LRRC40: variants seen among roughly 807,000 people sequenced by gnomAD.
LRRC40 encodes the protein leucine rich repeat containing 40.
Under a neutral mutation model 72.8 loss-of-function variants are expected in LRRC40, and 76 were observed. The ratio of observed to expected loss-of-function variants is 1.04; its 90% CI spans 0.87 to 1.26. LRRC40 has a LOEUF of 1.26. Among genes scored for constraint, LRRC40 ranks in the 50% most tolerant of loss-of-function variants. The pLI, the probability that LRRC40 is intolerant of heterozygous loss-of-function variation, is 0.00. For synonymous variants in LRRC40, 243 were observed against 254.2 expected (o/e 0.96, Z 0.42); for missense variants, 684 against 698.9 (o/e 0.98, Z 0.24).
intron 1 of LRRC40, among the ~76,000 whole-genome samples, chr1:70,191,524 T>C (rs1364251540): frequency 2.6e-5 from 4 of 152,188 alleles, no homozygotes; most frequent in Non-Finnish European, 5.9e-5. Context: ...AAGGGGCAGA[T>C]ACATGTTGAT....
chr1:70,146,899 T>C (rs1667316115), intron 14 of LRRC40: 1 of 152,236 alleles, frequency 6.6e-6, no homozygotes, highest in Non-Finnish European at 1.5e-5. Context: ...TTTTTTATTA[T>C]TTTTAACAGT....
intron 2 of LRRC40, among the ~76,000 whole-genome samples, chr1:70,187,838 G>GGAAGAGAAGAGAAGAGAAGA (rs60796937): frequency 0.062 from 7,702 of 123,708 alleles, 493 homozygotes; most frequent in East Asian, 0.093. Flanking sequence ...CTCAAAAAAT[G>GGAAGAGAAGAGAAGAGAAGA]GAAGAGAAGA....
At chr1:70,146,194 T>C (rs574197573) in intron 14 of LRRC40, among the ~76,000 whole-genome samples, 2 of 152,052 alleles carry the variant, frequency 1.3e-5, no homozygotes, top group Non-Finnish European at 2.9e-5. Context: ...CCGGCTAATT[T>C]TTGTATTTTC....
Position 70,159,388 on chromosome 1 carries a change from G to T in LRRC40, c.1162C>A (p.Pro388Thr). 1 of 1,598,156 alleles carries T rather than the reference G, an allele frequency of 6.3e-7. No individual in the cohort carries two copies. The highest frequency in any genetic ancestry group is 1.1e-5 in the South Asian group (1 of 88,566). The change falls in exon 10 of 15, where the codon CCA becomes ACA. Residue 388 changes from proline (P) to threonine (T), a missense_variant. Transcript: ENST00000370952. ...TGTATATTGACTCTGGATTCACTTG[G>T]TAGTGTCATGGCAGTCTCAGTAGCA... is the stretch of plus-strand genomic sequence containing the variant. ...ESATETAMTL[P>T]SESRVNIHAI...
intron 9 of LRRC40, among the ~76,000 whole-genome samples, chr1:70,168,393 T>C (rs1346472188): frequency 1.3e-5 from 2 of 152,224 alleles, no homozygotes; most frequent in African/African-American, 4.8e-5. Flanking sequence ...TGCTGACTCC[T>C]TCTACTGAGT....
At chr1:70,193,333 G>C (rs1668540878) in intron 1 of LRRC40, among the ~76,000 whole-genome samples, 1 of 151,878 alleles carries the variant, frequency 6.6e-6, no homozygotes, top group Admixed American at 6.6e-5. Context: ...AAAAGGATAA[G>C]GGTATATTAT....
At chr1:70,152,632 T>C (rs932621336) in intron 11 of LRRC40, 89 bp from the exon 12 acceptor site, 1 of 708,214 alleles carries the variant, frequency 1.4e-6, no homozygotes, top group African/African-American at 1.8e-5. Context: ...GAAATTCCTA[T>C]ATTTAACTTC....
Position 70,145,695 on chromosome 1 carries a change from A to G in LRRC40, c.*105T>C, listed in dbSNP as rs772970035. The G allele has an allele frequency of 1.4e-4, 81 of 580,002 alleles. No individual in the cohort carries two copies. Among genetic ancestry groups the G allele is most frequent in the Admixed American group, 1.0e-3 (35 of 34,634 alleles). 35.9% of individuals were successfully genotyped at this position (580,002 alleles called of 1,614,324 possible). The stretch of plus-strand genomic sequence containing the variant: ...GTGATACTGGGAAACTACAAGATCA[A>G]TTACAATAATCACCTTTTAAGATGA... On this transcript the variant is annotated 3_prime_UTR_variant, in exon 15 of 15. Coordinates refer to ENST00000370952, the MANE Select transcript of LRRC40 (RefSeq NM_017768.5).
At position 70,175,942 on chromosome 1, in the gene LRRC40, G is replaced by A; in HGVS notation, c.845C>T (p.Ala282Val). The change falls in exon 7 of 15, where the codon GCA becomes GTA. Residue 282 changes from alanine to valine, a missense_variant. Transcript: ENST00000370952. ...VGENQIEMLE[A>V]EHLKHLNSIL... Reference sequence around the variant, plus strand: ...TGAATTCAGATGTTTAAGATGTTCTGCCTCTAACATTTCAATCTGGTTTTC... The same window carrying A: ...TGAATTCAGATGTTTAAGATGTTCTACCTCTAACATTTCAATCTGGTTTTC... The A allele has an allele frequency of 6.3e-7, 1 of 1,587,514 alleles. No individual in the cohort carries two copies. Among genetic ancestry groups the A allele is most frequent in the Non-Finnish European group, 8.5e-7 (1 of 1,171,474 alleles).
intron 7 of LRRC40, among the ~76,000 whole-genome samples, chr1:70,174,757 T>C (rs1169089360): frequency 6.6e-6 from 1 of 152,084 alleles, no homozygotes; most frequent in East Asian, 1.9e-4. Context: ...ACATTAGTGG[T>C]TGCCAGGGGT....
At position 70,171,309 on chromosome 1, in the gene LRRC40, T is replaced by A. The variant is rs1223213652; in HGVS notation, c.1111+2156A>T. Among the ~76,000 whole-genome samples the A allele has an allele frequency of 1.2e-4, 18 of 147,956 alleles. No individual in the cohort carries two copies. The South Asian group carries it at 3.4e-3, about 28-fold the overall frequency. ...GGATTTTGTAAAGCTTTCTTAGATT[T>A]AAAAAAAAATGAACAAAAAAAAAAT... is the stretch of plus-strand genomic sequence containing the variant. On this transcript the variant is annotated intron_variant, in intron 9 of 14. Coordinates refer to ENST00000370952, the MANE Select transcript of LRRC40 (RefSeq NM_017768.5).
chr1:70,175,739 A>G, intron 7 of LRRC40, 71 bp downstream of exon 7: 1 of 1,160,694 alleles, frequency 8.6e-7, no homozygotes, highest in Non-Finnish European at 1.2e-6. Context: ...TGGTTTTTTA[A>G]CAAATATTTC....
In LRRC40 at chr1:70,148,482, G is replaced by C. The variant is rs1189878410; in HGVS notation, c.1703+5C>G. 6.2e-7 allele frequency: 1 copy of C among 1,600,590 alleles called. No homozygotes were observed. Among genetic ancestry groups the C allele is most frequent in the East Asian group, 2.2e-5 (1 of 44,704 alleles). On this transcript the variant is annotated splice_donor_5th_base_variant and intron_variant, in intron 14 of 14. Coordinates refer to ENST00000370952, the MANE Select transcript of LRRC40 (RefSeq NM_017768.5). ...TGAAACAATGCAGTAGAATGGTGTAGTTACCTTAAGTTTACACAATTACCG... is the reference window on the plus strand; with the variant it reads ...TGAAACAATGCAGTAGAATGGTGTACTTACCTTAAGTTTACACAATTACCG...
intron 1 of LRRC40, among the ~76,000 whole-genome samples, chr1:70,203,926 C>T (rs539045684): frequency 6.6e-6 from 1 of 152,298 alleles, no homozygotes; most frequent in Non-Finnish European, 1.5e-5. Context: ...ATATAAGCTA[C>T]AAATACCATG....
At chr1:70,151,339 C>A in intron 12 of LRRC40, 134 bp from the exon 13 acceptor site, 2 of 604,558 alleles carry the variant, frequency 3.3e-6, no homozygotes, top group Non-Finnish European at 6.0e-6. Context: ...TTTATAAAGG[C>A]TGAGTTCTGA....
At chr1:70,170,395 G>A (rs929527621) in intron 9 of LRRC40, among the ~76,000 whole-genome samples, 3 of 152,048 alleles carry the variant, frequency 2.0e-5, no homozygotes, top group Non-Finnish European at 4.4e-5. Flanking sequence ...AAAGGAATTA[G>A]GCAAGAAAAG....
intron 1 of LRRC40, among the ~76,000 whole-genome samples, 154 bp from the exon 2 acceptor site, chr1:70,189,427 T>C (rs555030211): frequency 6.6e-6 from 1 of 151,894 alleles, no homozygotes; most frequent in Non-Finnish European, 1.5e-5. Flanking sequence ...TAGCAATAAA[T>C]ATAACTAGAG....
intron 11 of LRRC40, among the ~76,000 whole-genome samples, chr1:70,154,530 A>G (rs749074190): frequency 5.3e-5 from 8 of 152,214 alleles, no homozygotes; most frequent in African/African-American, 7.2e-5. Context: ...CTTTAAAACA[A>G]GAGAGAACCA....
At chr1:70,161,517 C>T (rs575630281) in intron 9 of LRRC40, among the ~76,000 whole-genome samples, 1 of 150,274 alleles carries the variant, frequency 6.7e-6, no homozygotes, top group Non-Finnish European at 1.5e-5. Flanking sequence ...CCACTGCACT[C>T]CAGCCTGGGC....
Sources: gnomAD v4.1 joint callset for allele counts (sites outside exome capture counted in the v4.1 genomes callset) on GRCh38, gnomAD v4.1.1 for gene constraint, MANE v1.5 for transcripts, NCBI Gene and HGNC (gene_info 2026-07-23, HGNC 2026-07-21) for gene names.